PHF8: variants seen among roughly 807,000 people sequenced by gnomAD.
PHF8 encodes the protein histone lysine demethylase PHF8.
A neutral mutation model predicts 74.4 loss-of-function variants in PHF8; 9 were observed. That is an observed-to-expected ratio of 0.12 (90% confidence interval 0.07 to 0.21). PHF8 has a LOEUF of 0.21. Ranked by LOEUF, PHF8 falls within the 10% of genes least tolerant of loss-of-function variation. PHF8 has a pLI of 1.00. For missense variants in PHF8, 478 were observed against 816.6 expected, an observed-to-expected ratio of 0.59 and a Z score of 5.05; for synonymous variants, 311 against 316.6, an observed-to-expected ratio of 0.98 and a Z score of 0.19.
chrX:53,957,577 T>C (rs782039974), intron 19 of PHF8, among the ~76,000 whole-genome samples: 1 of 111,397 alleles, frequency 9.0e-6, no homozygotes, highest in East Asian at 2.8e-4. Flanking sequence ...TAGAGACTAC[T>C]CATTCTCAAC....
At chrX:54,044,876 G>A (rs1557117089), upstream of PHF8, 1 of 1,156,161 alleles carries the variant, frequency 8.6e-7, no homozygotes, top group Admixed American at 2.6e-5. Context: ...AGTACTCACC[G>A]CGGCTCCTGT....
At chrX:54,019,689 G>A (rs1352724475) in intron 4 of PHF8, among the ~76,000 whole-genome samples, 3 of 105,699 alleles carry the variant, frequency 2.8e-5, no homozygotes, top group Non-Finnish European at 5.8e-5. Context: ...TACTTGGGAG[G>A]CTGAGGCAGA....
intron 19 of PHF8, among the ~76,000 whole-genome samples, chrX:53,956,248 T>C (rs2065011706): frequency 9.0e-6 from 1 of 111,378 alleles, no homozygotes; most frequent in South Asian, 3.7e-4. Flanking sequence ...AGACTCTGCC[T>C]CAAAATAAAA....
intron 18 of PHF8, among the ~76,000 whole-genome samples, chrX:53,969,686 C>T (rs1277682266): frequency 8.9e-6 from 1 of 112,073 alleles, no homozygotes; most frequent in African/African-American, 3.2e-5. Context: ...GCAGTAAGAA[C>T]AAAGCTGGAA....
At position 53,938,721 on chromosome X, in the gene PHF8, G is replaced by C. The variant is rs2064703717; in HGVS notation, c.*437C>G. 1.4e-5 allele frequency: 11 copies of C among 762,277 alleles called. No individual in the cohort carries two copies. Among genetic ancestry groups the C allele is most frequent in the Non-Finnish European group, 1.7e-5 (11 of 644,867 alleles). The allele number at this position is 762,277 out of a possible 1,213,427, so 62.8% of individuals were successfully genotyped here. A position where few individuals can be genotyped will look rare whatever the true frequency, so the allele number is the denominator to read the frequency against. On this transcript the variant is annotated 3_prime_UTR_variant, in exon 22 of 22. Transcript: ENST00000338154. The stretch of plus-strand genomic sequence containing the variant: ...GGAAATGGGGCAAACAGAATGGGTG[G>C]AGGTGGGCAGGCTTCTGGATATAGG...
chrX:54,023,496 A>C lies in PHF8; in HGVS notation c.99-653T>G, dbSNP rs148532904. On this transcript the variant is annotated intron_variant, in intron 2 of 21. Coordinates refer to ENST00000338154, the MANE Select transcript of PHF8 (RefSeq NM_015107.3). The stretch of plus-strand genomic sequence containing the variant: ...GAAAATTTGACTTTGCATGTATATG[A>C]GGTGGTAATCTCACAAAATTCAACC... 5.4e-3 allele frequency among the ~76,000 whole-genome samples: 591 copies of C among 110,276 alleles called. 2 individuals are homozygous for C. The highest frequency in any genetic ancestry group is 0.018 in the African/African-American group (556 of 30,323).
chrX:54,029,428 G>A lies in PHF8; in HGVS notation c.99-6585C>T, dbSNP rs376889947. On this transcript the variant is annotated intron_variant, in intron 2 of 21. Transcript: ENST00000338154. ...TTCCCCTCACACACAGCGTATGCTG[G>A]GGGAGACATTCCTACTGCATAGCCC... 5.3e-5 allele frequency among the ~76,000 whole-genome samples: 6 copies of A among 112,627 alleles called. No homozygotes were observed. The East Asian group carries it at 1.7e-3, about 31-fold the overall frequency.
chrX:54,044,808 C>G, upstream of PHF8: 1 of 996,478 alleles, frequency 1.0e-6, no homozygotes. Context: ...CTCGGTGACT[C>G]CAAACTACAA....
intron 14 of PHF8, among the ~76,000 whole-genome samples, chrX:53,991,812 G>C (rs1036980543): frequency 9.1e-6 from 1 of 110,233 alleles, no homozygotes; most frequent in African/African-American, 3.3e-5. Context: ...AGCTCAGCCT[G>C]GGCAATAACA....
chrX:53,985,335 G>A, intron 17 of PHF8, 108 bp from the exon 18 acceptor site: 2 of 661,001 alleles, frequency 3.0e-6, no homozygotes, highest in Non-Finnish European at 4.7e-6. Context: ...GGATCAAAGT[G>A]GGAGGAAAAA....
intron 11 of PHF8, among the ~76,000 whole-genome samples, chrX:53,997,802 G>A (rs1557103314): frequency 8.9e-6 from 1 of 111,736 alleles, no homozygotes; most frequent in Non-Finnish European, 1.9e-5. Flanking sequence ...TGAAACCCAA[G>A]GTAGCCACAC....
intron 18 of PHF8, among the ~76,000 whole-genome samples, chrX:53,983,174 CAA>C (rs782226902): frequency 9.6e-5 from 5 of 52,186 alleles, no homozygotes; most frequent in Admixed American, 2.6e-4. Flanking sequence ...GACTGTGTCT[CAA>C]AAAAAAAAAA....
In PHF8 at chrX:53,995,649, A is replaced by G. The variant is rs782719438; in HGVS notation, c.1323+44T>C. On this transcript the variant is annotated intron_variant, in intron 12 of 21. Coordinates refer to ENST00000338154, the MANE Select transcript of PHF8 (RefSeq NM_015107.3). ...GGCCTAACCTGCCACTTGAGCCTCA[A>G]GGCCTTTCCAAATGCCTTTTCTTCC... 2.5e-5 allele frequency: 22 copies of G among 873,388 alleles called. No individual in the cohort carries two copies. In the Admixed American group the frequency reaches 4.5e-4, roughly 18 times the overall value. The allele number at this position is 873,388 out of a possible 1,213,427, so 72.0% of individuals were successfully genotyped here. A position where few individuals can be genotyped will look rare whatever the true frequency, so the allele number is the denominator to read the frequency against.
At position 53,974,497 on chromosome X, in the gene PHF8, TG is replaced by T. The variant is rs1173549632; in HGVS notation, c.2443+10416del. ...AGTTCAAGCATTGTGGAAGACAGCA[TG>T]GTGATTCCTCAAAGATCTAGAGGCA... is the stretch of plus-strand genomic sequence containing the variant. On this transcript the variant is annotated intron_variant, in intron 18 of 21. Coordinates refer to ENST00000338154, the MANE Select transcript of PHF8 (RefSeq NM_015107.3). 2.7e-5 allele frequency among the ~76,000 whole-genome samples: 3 copies of T among 111,884 alleles called. No individual in the cohort carries two copies. The Admixed American group carries it at 2.9e-4, about 11-fold the overall frequency.
intron 8 of PHF8, among the ~76,000 whole-genome samples, chrX:54,004,992 GAAGA>G (rs782410692): frequency 1.0e-4 from 11 of 109,372 alleles, no homozygotes; most frequent in African/African-American, 1.3e-4. Context: ...GGAGACAACA[GAAGA>G]AAGAAACAGA....
At chrX:53,943,678 A>G (rs2064786743) in intron 20 of PHF8, among the ~76,000 whole-genome samples, 1 of 112,001 alleles carries the variant, frequency 8.9e-6, no homozygotes, top group African/African-American at 3.2e-5. Flanking sequence ...GGACAAAAAA[A>G]AAATTTGTGG....
intron 12 of PHF8, among the ~76,000 whole-genome samples, chrX:53,994,720 G>A (rs1315016811): frequency 8.9e-6 from 1 of 112,337 alleles, no homozygotes; most frequent in Non-Finnish European, 1.9e-5. Context: ...GGTGGACACT[G>A]TAAGCTATGG....
chrX:53,977,838 G>A (rs1357383743), intron 18 of PHF8, among the ~76,000 whole-genome samples: 1 of 108,162 alleles, frequency 9.2e-6, no homozygotes, highest in African/African-American at 3.4e-5. Context: ...AGTAGAGACG[G>A]GGTTTCACCG....
chrX:54,046,138 G>C (rs2066632389), upstream of PHF8, among the ~76,000 whole-genome samples: 1 of 110,517 alleles, frequency 9.0e-6, no homozygotes, highest in Non-Finnish European at 1.9e-5. Context: ...ATAGAGCCCA[G>C]GCCTCGCTAT....
Sources: allele counts gnomAD v4.1 joint callset (sites outside exome capture counted in the v4.1 genomes callset), GRCh38; gene constraint gnomAD v4.1.1; transcripts MANE v1.5; gene names NCBI Gene and HGNC (gene_info 2026-07-23, HGNC 2026-07-21).